Variants in NRXN3 observed in about 807,000 individuals in gnomAD.
NRXN3 encodes neurexin III.
NRXN3 carries 32 observed loss-of-function variants against 137.6 expected under a neutral mutation model. The observed-to-expected ratio is 0.23, with a 90% CI of 0.18 to 0.31. The LOEUF is 0.31. Among genes scored for constraint, NRXN3 ranks in the 10% least tolerant of loss-of-function variants. The probability of loss-of-function intolerance (pLI) is 1.00; values close to 1 mark genes in which losing one functional copy is unlikely to be tolerated. For missense variants in NRXN3, 1,574 were observed against 2,062.5 expected, an observed-to-expected ratio of 0.76 and a Z score of 4.59; for synonymous variants, 798 against 784.5, an observed-to-expected ratio of 1.02 and a Z score of -0.29.
intron 8 of NRXN3, among the ~76,000 whole-genome samples, chr14:78,731,287 T>C (rs1310602776): frequency 6.6e-6 from 1 of 152,162 alleles, no homozygotes; most frequent in Non-Finnish European, 1.5e-5. Context: ...AGAAGCCTTA[T>C]AAAAATTGTC....
At chr14:79,730,999 C>T (rs1450956477) in intron 19 of NRXN3, among the ~76,000 whole-genome samples, 1 of 152,136 alleles carries the variant, frequency 6.6e-6, no homozygotes, top group Non-Finnish European at 1.5e-5. Context: ...GTGATGTTTC[C>T]TTTGGAAAAA....
In NRXN3 at chr14:79,640,824, C is replaced by T. The variant is rs2098428609; in HGVS notation, c.3445-22954C>T. On this transcript the variant is annotated intron_variant, in intron 16 of 20. Coordinates refer to ENST00000335750, the MANE Select transcript of NRXN3 (RefSeq NM_001330195.2). ...TGATGTAAAGGAAACAAAAATAATT[C>T]TAACCACTAATTAACTAACAGCAAA... Among the ~76,000 whole-genome samples the T allele has an allele frequency of 1.5e-5, 2 of 135,088 alleles. 1 individual carries two copies. Among genetic ancestry groups the T allele is most frequent in the Non-Finnish European group, 3.4e-5 (2 of 58,150 alleles). The allele number at this position is 135,088 out of a possible 152,430, so 88.6% of individuals were successfully genotyped here. A position where few individuals can be genotyped will look rare whatever the true frequency, so the allele number is the denominator to read the frequency against.
intron 16 of NRXN3, among the ~76,000 whole-genome samples, chr14:79,479,245 C>A (rs966646676): frequency 1.3e-5 from 2 of 151,866 alleles, no homozygotes; most frequent in African/African-American, 4.8e-5. Flanking sequence ...TGGAGTGTAT[C>A]TTTTTGTAAT....
intron 2 of NRXN3, among the ~76,000 whole-genome samples, chr14:78,248,322 C>T (rs992658737): frequency 7.5e-6 from 1 of 133,766 alleles, no homozygotes; most frequent in African/African-American, 2.6e-5. Flanking sequence ...CCCCCACCCG[C>T]CACCTCCTGT....
rs1452555536 is a variant in NRXN3, at chr14:78,204,058, G to A, written c.-704+33384G>A. On this transcript the variant is annotated intron_variant, in intron 1 of 20. Transcript: ENST00000335750. ...GTATAAAGTACTCCATTACAGAGAT[G>A]TAACAATTTACTTTATTCCTTATTG... Among the ~76,000 whole-genome samples the A allele has an allele frequency of 2.6e-5, 4 of 151,962 alleles. No homozygotes were observed. In the East Asian group the frequency reaches 5.8e-4, roughly 22 times the overall value.
chr14:79,087,769 G>A (rs561362861), intron 15 of NRXN3, among the ~76,000 whole-genome samples: 8 of 152,050 alleles, frequency 5.3e-5, no homozygotes, highest in Non-Finnish European at 1.0e-4. Context: ...AGAAGCATAC[G>A]CACAACTCTT....
chr14:79,314,975 C>T (rs369009181), intron 15 of NRXN3, among the ~76,000 whole-genome samples: 7 of 152,286 alleles, frequency 4.6e-5, no homozygotes, highest in African/African-American at 9.6e-5. Flanking sequence ...TTTGCCAGGA[C>T]GCCTGCTTAT....
intron 3 of NRXN3, among the ~76,000 whole-genome samples, chr14:78,289,623 C>T (rs184796605): frequency 5.9e-5 from 9 of 151,498 alleles, no homozygotes; most frequent in East Asian, 5.8e-4. Flanking sequence ...ACTTTAAAAA[C>T]GCTCGATGGG....
At chr14:78,443,749 A>T (rs1041621628) in intron 4 of NRXN3, among the ~76,000 whole-genome samples, 10 of 152,196 alleles carry the variant, frequency 6.6e-5, no homozygotes, top group Non-Finnish European at 1.5e-4. Flanking sequence ...AAGTGTTACA[A>T]AGTTTATATG....
rs1568321961 is a variant in NRXN3 at position 79,808,250 on chromosome 14, A to AT, written c.4093+3060_4093+3061insT. ...AGACTCTCTCTCAATTAAAAAAAAAAAAAAAATATATATATATATATATAT... is the reference window on the plus strand; with the variant it reads ...AGACTCTCTCTCAATTAAAAAAAAAATAAAAAATATATATATATATATATAT... On this transcript the variant is annotated intron_variant, in intron 20 of 20. Coordinates refer to ENST00000335750, the MANE Select transcript of NRXN3 (RefSeq NM_001330195.2). 2.7e-4 allele frequency among the ~76,000 whole-genome samples: 36 copies of AT among 134,948 alleles called. No individual in the cohort carries two copies. The East Asian group carries it at 4.7e-3, about 18-fold the overall frequency. 88.5% of individuals were successfully genotyped at this position (134,948 alleles called of 152,430 possible). A position where few individuals can be genotyped will look rare whatever the true frequency, so the allele number is the denominator to read the frequency against.
chr14:78,243,573 C>T lies in NRXN3; in HGVS notation c.480C>T (p.Ala160=). ...TCCCTACTGACATACGACCTTCTGCCCTGACCCTTGATGGAGTTCAGGCCA... is the reference window on the plus strand; with the variant it reads ...TCCCTACTGACATACGACCTTCTGCTCTGACCCTTGATGGAGTTCAGGCCA... ...GGVPTDIRPS[A]LTLDGVQAMP... The change falls in exon 2 of 21, where the codon GCC becomes GCT. Residue 160 remains alanine (A), a synonymous_variant. Transcript: ENST00000335750. This position sits in a 1 kb window ranked among gnomAD's most constrained non-coding sequence, Gnocchi z 4.2. 6.3e-7 allele frequency: 1 copy of T among 1,598,404 alleles called. No homozygotes were observed. The highest frequency in any genetic ancestry group is 1.7e-5 in the Admixed American group (1 of 60,022).
At chr14:79,328,931 T>G (rs1388254968) in intron 15 of NRXN3, among the ~76,000 whole-genome samples, 3 of 152,198 alleles carry the variant, frequency 2.0e-5, no homozygotes, top group Non-Finnish European at 2.9e-5. Context: ...GAAAAGAAAC[T>G]GAGTTGCTTT....
intron 6 of NRXN3, among the ~76,000 whole-genome samples, chr14:78,663,290 G>C (rs1313063661): frequency 2.6e-5 from 4 of 152,200 alleles, no homozygotes; most frequent in Non-Finnish European, 5.9e-5. Flanking sequence ...CTACCGCTTA[G>C]AGTCTCTACT....
At position 78,380,133 on chromosome 14, in the gene NRXN3, A is replaced by G. The variant is rs1194494455; in HGVS notation, c.757+82273A>G. On this transcript the variant is annotated intron_variant, in intron 4 of 20. Coordinates refer to ENST00000335750, the MANE Select transcript of NRXN3 (RefSeq NM_001330195.2). ...TCTAAATAAATGGAGAAGCTAACAT[A>G]TCATGACTTGGAAGACTCAAAATAG... Among the ~76,000 whole-genome samples the G allele has an allele frequency of 2.0e-5, 3 of 152,178 alleles. No homozygotes were observed. In the East Asian group the frequency reaches 5.8e-4, roughly 29 times the overall value.
intron 15 of NRXN3, among the ~76,000 whole-genome samples, chr14:79,425,583 G>C (rs771162638): frequency 1.4e-4 from 21 of 152,054 alleles, no homozygotes; most frequent in Non-Finnish European, 2.6e-4. Context: ...CTATGAATTA[G>C]CAATTATTAT....
chr14:79,231,494 T>C (rs974734186), intron 15 of NRXN3, among the ~76,000 whole-genome samples: 1 of 152,184 alleles, frequency 6.6e-6, no homozygotes, highest in African/African-American at 2.4e-5. Context: ...GGTGTAAAAG[T>C]GTCTTCCTGT....
chr14:79,192,389 C>T (rs934874931), intron 15 of NRXN3, among the ~76,000 whole-genome samples: 5 of 152,156 alleles, frequency 3.3e-5, no homozygotes, highest in Middle Eastern at 3.4e-3. Flanking sequence ...CTTGTCTCAC[C>T]GAGGAACCAT....
Position 79,111,406 on chromosome 14 carries a change from C to T in NRXN3, c.3262+123265C>T, listed in dbSNP as rs895762078. Among the ~76,000 whole-genome samples the T allele has an allele frequency of 2.0e-5, 3 of 152,128 alleles. 1 individual carries two copies. Among genetic ancestry groups the T allele is most frequent in the African/African-American group, 7.2e-5 (3 of 41,432 alleles). ...CTGATGGCTGCTAGTGCTAGCTGCA[C>T]AAAGCCCTGAGTTCTAGACCTTCTC... On this transcript the variant is annotated intron_variant, in intron 15 of 20. Coordinates refer to ENST00000335750, the MANE Select transcript of NRXN3 (RefSeq NM_001330195.2).
chr14:78,335,439 G>A (rs543528595), intron 4 of NRXN3, among the ~76,000 whole-genome samples: 1 of 152,354 alleles, frequency 6.6e-6, no homozygotes, highest in African/African-American at 2.4e-5. Flanking sequence ...CTCTGCCCAA[G>A]CTGAGCCAGG....
Sources: gnomAD v4.1 joint callset for allele counts (sites outside exome capture counted in the v4.1 genomes callset) on GRCh38, gnomAD v4.1.1 for gene constraint, Gnocchi (gnomAD v3.1) non-coding constraint, MANE v1.5 for transcripts, NCBI Gene and HGNC (gene_info 2026-07-23, HGNC 2026-07-21) for gene names.